MYORG: variants seen among roughly 807,000 people sequenced by gnomAD.
The protein encoded by MYORG is myogenesis regulating glycosidase.
Under a neutral mutation model 49.8 loss-of-function variants are expected in MYORG, and 45 were observed. That is an observed-to-expected ratio of 0.90 (90% CI 0.71 to 1.16). The LOEUF (loss-of-function observed/expected upper bound fraction) is 1.16. Among genes scored for constraint, MYORG ranks in the 50% most tolerant of loss-of-function variants. The pLI is 0.00. For missense variants in MYORG, 1,110 were observed against 1,026.5 expected (o/e 1.08, Z -1.11); for synonymous variants, 552 against 462.9 (o/e 1.19, Z -2.47).
Position 34,372,903 on chromosome 9 carries a change from CG to C in MYORG, c.40del (p.Arg14AlafsTer41). 1.2e-6 allele frequency: 2 copies of C among 1,613,770 alleles called. No individual in the cohort carries two copies. Among genetic ancestry groups the C allele is most frequent in the Non-Finnish European group, 1.7e-6 (2 of 1,179,866 alleles). ...TGCGTAGCAGCCAGGCCGGCGGCGG[CG>C]GGGGTAGGCCTGGCTCTTCTCCTGA... ...NPQEKSQAYP[R>X]RRRPGCYAYR... On this transcript the variant is annotated frameshift_variant, in exon 2 of 2. Coordinates refer to ENST00000297625, the MANE Select transcript of MYORG (RefSeq NM_020702.5). LOFTEE classifies it high-confidence loss of function.
At position 34,371,854 on chromosome 9, in the gene MYORG, CGAA is replaced by C; in HGVS notation, c.1087_1089del (p.Phe363del). 1 of 1,614,052 alleles carries C rather than the reference CGAA, an allele frequency of 6.2e-7. No homozygotes were observed. The highest frequency in any genetic ancestry group is 8.5e-7 in the Non-Finnish European group (1 of 1,179,896). ...TTGGGGAATTTGACCTCATCGAAGTCGAAGTCGCCATAAGCAGGTGTGTACATG... is the reference window on the plus strand; with the variant it reads ...TTGGGGAATTTGACCTCATCGAAGTCGTCGCCATAAGCAGGTGTGTACATG... On this transcript the variant is annotated inframe_deletion, in exon 2 of 2. Transcript: ENST00000297625.
chr9:34,371,734 C>G lies in MYORG; in HGVS notation c.1210G>C (p.Glu404Gln), dbSNP rs1030252182. 1 of 1,612,354 alleles carries G rather than the reference C, an allele frequency of 6.2e-7. No homozygotes were observed. The highest frequency in any genetic ancestry group is 8.5e-7 in the Non-Finnish European group (1 of 1,179,304). Reference protein sequence around the residue: ...FVNYNSSRFGEGVERELFVRE... With the variant: ...FVNYNSSRFGQGVERELFVRE... Reference sequence around the variant, plus strand: ...ACGAACAGCTCGCGCTCCACGCCCTCGCCGAAGCGCGACGAGTTGTAGTTG... The same window carrying G: ...ACGAACAGCTCGCGCTCCACGCCCTGGCCGAAGCGCGACGAGTTGTAGTTG... Residue 404 changes from glutamate to glutamine, a missense_variant, in exon 2 of 2, where the codon GAG (glutamate) becomes CAG (glutamine). Physicochemically the swap from Glu to Gln is conservative, Grantham distance 29. Transcript: ENST00000297625.
At position 34,371,919 on chromosome 9, in the gene MYORG, A is replaced by C. The variant is rs1820611690; in HGVS notation, c.1025T>G (p.Leu342Arg). ...KVLRFAQQIR[L>R]HHFNSSHLEI... ...CAGGTGGCTGCTGTTGAAGTGGTGC[A>C]GGCGGATCTGTTGGGCAAAACGCAG... The change falls in exon 2 of 2, where the codon CTG becomes CGG. Residue 342 changes from leucine (L) to arginine (R), a missense_variant. Coordinates refer to ENST00000297625, the MANE Select transcript of MYORG (RefSeq NM_020702.5). 1 of 1,614,054 alleles carries C rather than the reference A, an allele frequency of 6.2e-7. No individual in the cohort carries two copies. The highest frequency in any genetic ancestry group is 2.2e-5 in the East Asian group (1 of 44,882).
In MYORG at chr9:34,369,887, G is replaced by C. The variant is rs1820559970; in HGVS notation, c.*912C>G. 6.6e-6 allele frequency: 1 copy of C among 152,228 alleles called. No homozygotes were observed. Among genetic ancestry groups the C allele is most frequent in the African/African-American group, 2.4e-5 (1 of 41,446 alleles). The allele number at this position is 152,228 out of a possible 1,614,324, so 9.4% of individuals were successfully genotyped here. On this transcript the variant is annotated 3_prime_UTR_variant, in exon 2 of 2. Coordinates refer to ENST00000297625, the MANE Select transcript of MYORG (RefSeq NM_020702.5). The stretch of plus-strand genomic sequence containing the variant: ...CGAGAGTCCTGGGGAAACCGCCTGG[G>C]AGGAGGCTGGCTCAGCAATCAGAGC...
chr9:34,372,752 C>A lies in MYORG; in HGVS notation c.192G>T (p.Gly64=). The A allele has an allele frequency of 6.2e-7, 1 of 1,613,786 alleles. No individual in the cohort carries two copies. The highest frequency in any genetic ancestry group is 1.1e-5 in the South Asian group (1 of 91,078). Residue 64 remains glycine (G), a synonymous_variant, in exon 2 of 2, where the codon GGG becomes GGT. Transcript: ENST00000297625. The part of the protein sequence containing the change: ...LKPLLGSAVL[G]LLLVLAAVVA... ...CCACCGCGGCCAGCACAAGCAGCAG[C>A]CCCAGAACCGCGGAGCCCAGCAGCG...
intron 1 of MYORG, among the ~76,000 whole-genome samples, chr9:34,373,665 C>T (rs894339452): frequency 6.6e-6 from 1 of 152,198 alleles, no homozygotes; most frequent in Non-Finnish European, 1.5e-5. Context: ...GTTGGTCAGG[C>T]TGGCTTCGAA....
rs767060731 is a variant in MYORG, at chr9:34,372,526, C to A, written c.418G>T (p.Gly140Trp). The A allele has an allele frequency of 3.1e-6, 5 of 1,600,664 alleles. No individual in the cohort carries two copies. The highest frequency in any genetic ancestry group is 3.4e-6 in the Non-Finnish European group (4 of 1,174,594). ...TGGATGAAGAAGTGCAGCGGCAGCC[C>A]GTCGGCCGTGAGCGAGCAGCCCAGC... is the stretch of plus-strand genomic sequence containing the variant. ...ALLGCSLTAD[G>W]LPLHFFIQTV... The change falls in exon 2 of 2, where the codon GGG becomes TGG. Residue 140 changes from glycine (G) to tryptophan (W), a missense_variant. Coordinates refer to ENST00000297625, the MANE Select transcript of MYORG (RefSeq NM_020702.5).
rs1820592270 is a variant in MYORG at position 34,371,345 on chromosome 9, T to C, written c.1599A>G (p.Ser533=). 2.5e-6 allele frequency: 4 copies of C among 1,612,576 alleles called. No homozygotes were observed. Among genetic ancestry groups the C allele is most frequent in the Non-Finnish European group, 3.4e-6 (4 of 1,179,600 alleles). The change falls in exon 2 of 2, where the codon TCA becomes TCG. Residue 533 remains serine (S), a synonymous_variant. Transcript: ENST00000297625. ...SVWGYDLGLR[S]LIPAVLTVSM... Reference sequence around the variant, plus strand: ...TGACGGTGAGCACCGCGGGGATGAGTGAGCGCAACCCCAGGTCGTAGCCCC... The same window carrying C: ...TGACGGTGAGCACCGCGGGGATGAGCGAGCGCAACCCCAGGTCGTAGCCCC...
Position 34,371,634 on chromosome 9 carries a change from T to C in MYORG, c.1310A>G (p.His437Arg). 6.2e-7 allele frequency: 1 copy of C among 1,606,052 alleles called. No homozygotes were observed. The highest frequency in any genetic ancestry group is 1.1e-5 in the South Asian group (1 of 90,426). The change falls in exon 2 of 2, where the codon CAC (histidine) becomes CGC (arginine). Residue 437 changes from histidine (H) to arginine (R), a missense_variant. Coordinates refer to ENST00000297625, the MANE Select transcript of MYORG (RefSeq NM_020702.5). ...CTGGAACCAGTCGCGGGCCTTTGGG[T>C]GCGTGAAGTCTAGCACCGCGCCGAT... ...NGIGAVLDFT[H>R]PKARDWFQGH... is the part of the protein sequence containing the mutation.
At position 34,372,545 on chromosome 9, in the gene MYORG, G is replaced by A. The variant is rs758842962; in HGVS notation, c.399C>T (p.Gly133=). 8.4e-5 allele frequency: 134 copies of A among 1,602,132 alleles called. No homozygotes were observed. The highest frequency in any genetic ancestry group is 1.1e-4 in the Non-Finnish European group (124 of 1,175,268). The change falls in exon 2 of 2, where the codon GGC becomes GGT. Residue 133 remains glycine (G), a synonymous_variant. Coordinates refer to ENST00000297625, the MANE Select transcript of MYORG (RefSeq NM_020702.5). ...GCAGCCCGTCGGCCGTGAGCGAGCA[G>A]CCCAGCAGGGCGCCATCGCGGCTGC... ...DSCSRDGALL[G]CSLTADGLPL...
rs1233659553 is a variant in MYORG at position 34,370,876 on chromosome 9, A to G, written c.2068T>C (p.Phe690Leu). Residue 690 changes from phenylalanine (F) to leucine (L), a missense_variant, in exon 2 of 2, where the codon TTC becomes CTC. Transcript: ENST00000297625. Reference sequence around the variant, plus strand: ...GTGAGCAGCACCGGCGTCTTGTCGAAAAGCTCACCCTTGTAGCTGCGCCAC... The same window carrying G: ...GTGAGCAGCACCGGCGTCTTGTCGAGAAGCTCACCCTTGTAGCTGCGCCAC... ...GKWRSYKGELFDKTPVLLTDY... is the reference protein window; with the variant it reads ...GKWRSYKGELLDKTPVLLTDY... The G allele has an allele frequency of 1.2e-6, 2 of 1,609,304 alleles. No homozygotes were observed. The highest frequency in any genetic ancestry group is 1.7e-6 in the Non-Finnish European group (2 of 1,176,052).
chr9:34,370,888 T>G lies in MYORG; in HGVS notation c.2056A>C (p.Lys686Gln), dbSNP rs1820579266. ...GGCGTCTTGTCGAAAAGCTCACCCT[T>G]GTAGCTGCGCCACTTGCCGGCGGGC... ...YLPAGKWRSY[K>Q]GELFDKTPVL... Residue 686 changes from lysine to glutamine, a missense_variant, in exon 2 of 2, where the codon AAG becomes CAG. Lys to Gln is a moderately conservative substitution (Grantham distance 53). Coordinates refer to ENST00000297625, the MANE Select transcript of MYORG (RefSeq NM_020702.5). 3.1e-6 allele frequency: 5 copies of G among 1,613,242 alleles called. No homozygotes were observed. The highest frequency in any genetic ancestry group is 4.2e-6 in the Non-Finnish European group (5 of 1,179,384).
rs551224406 is a variant in MYORG at position 34,376,404 on chromosome 9, G to A, written c.-64+389C>T. ...GGCTGCCACAGCTAGTCTGGTCTGA[G>A]GGGGAGGGCCCCGCCCGACTCAACT... On this transcript the variant is annotated intron_variant, in intron 1 of 1. Coordinates refer to ENST00000297625, the MANE Select transcript of MYORG (RefSeq NM_020702.5). The surrounding 1 kb of genome is among the most constrained non-coding windows in gnomAD (Gnocchi z 4.4). 5.3e-5 allele frequency among the ~76,000 whole-genome samples: 8 copies of A among 152,342 alleles called. No individual in the cohort carries two copies. The highest frequency in any genetic ancestry group is 1.9e-4 in the African/African-American group (8 of 41,582).
Position 34,370,465 on chromosome 9 carries a change from C to CAACCATGTAT in MYORG, c.*324_*333dup, listed in dbSNP as rs1478934614. 2 of 234,298 alleles carry CAACCATGTAT rather than the reference C, an allele frequency of 8.5e-6. No individual in the cohort carries two copies. The highest frequency in any genetic ancestry group is 1.0e-4 in the Admixed American group (2 of 19,794). 14.5% of individuals were successfully genotyped at this position (234,298 alleles called of 1,614,324 possible). ...GGTTTCTCTTTGTGCTTTTAAACCC[C>CAACCATGTAT]AACCATGTATAACCATGTATAACAG... On this transcript the variant is annotated 3_prime_UTR_variant, in exon 2 of 2. Transcript: ENST00000297625.
At position 34,372,707 on chromosome 9, in the gene MYORG, G is replaced by A. The variant is rs768884848; in HGVS notation, c.237C>T (p.Ser79=). Residue 79 remains serine, a synonymous_variant, in exon 2 of 2, where the codon AGC becomes AGT. Coordinates refer to ENST00000297625, the MANE Select transcript of MYORG (RefSeq NM_020702.5). ...GTCGCTCCGCCTTGCGTAGGGAGAC[G>A]CTGTAGTAGCACCAGGCCACCACCG... is the stretch of plus-strand genomic sequence containing the variant. ...LAAVVAWCYY[S]VSLRKAERLR... 1.2e-6 allele frequency: 2 copies of A among 1,612,506 alleles called. No homozygotes were observed. The highest frequency in any genetic ancestry group is 2.2e-5 in the East Asian group (1 of 44,844).
At position 34,371,549 on chromosome 9, in the gene MYORG, G is replaced by T; in HGVS notation, c.1395C>A (p.Gly465=). The T allele has an allele frequency of 6.2e-7, 1 of 1,605,058 alleles. No individual in the cohort carries two copies. The highest frequency in any genetic ancestry group is 8.5e-7 in the Non-Finnish European group (1 of 1,179,082). The part of the protein sequence containing the change: ...YSVASFKFDA[G]EVSYLPRDFS... ...AGTCCCGCGGCAGGTAGCTGACCTC[G>T]CCCGCGTCGAACTTGAAGGAAGCCA... The change falls in exon 2 of 2, where the codon GGC becomes GGA. Residue 465 remains glycine, a synonymous_variant. Transcript: ENST00000297625.
chr9:34,368,871 A>T lies in MYORG; in HGVS notation c.*1928T>A, dbSNP rs1374157754. 1 of 152,212 alleles carries T rather than the reference A, an allele frequency of 6.6e-6. No individual in the cohort carries two copies. The highest frequency in any genetic ancestry group is 2.1e-4 in the South Asian group (1 of 4,824). 9.4% of individuals were successfully genotyped at this position (152,212 alleles called of 1,614,324 possible). ...TGGTACCAATTTACTGTATAGGTTC[A>T]TTTTCACAGTGCTGATAAAGACATA... On this transcript the variant is annotated 3_prime_UTR_variant, in exon 2 of 2. Coordinates refer to ENST00000297625, the MANE Select transcript of MYORG (RefSeq NM_020702.5).
Position 34,372,498 on chromosome 9 carries a change from G to A in MYORG, c.446C>T (p.Thr149Ile), listed in dbSNP as rs1440395452. 1.9e-6 allele frequency: 3 copies of A among 1,601,000 alleles called. No individual in the cohort carries two copies. The highest frequency in any genetic ancestry group is 1.3e-5 in the African/African-American group (1 of 74,822). The change falls in exon 2 of 2, where the codon ACT (threonine) becomes ATT (isoleucine). Residue 149 changes from threonine to isoleucine, a missense_variant. Physicochemically the swap from Thr to Ile is moderately conservative, Grantham distance 89 (BLOSUM62 -1). Transcript: ENST00000297625. ...DGLPLHFFIQ[T>I]VRPKDTVMCY... ...CATGACCGTGTCCTTGGGCCGCACA[G>A]TCTGGATGAAGAAGTGCAGCGGCAG...
At chr9:34,373,045 T>G in intron 1 of MYORG, 39 bp from the exon 2 acceptor site, 1 of 1,353,344 alleles carries the variant, frequency 7.4e-7, no homozygotes, top group African/African-American at 1.5e-5. Flanking sequence ...AGCTATCTCA[T>G]CCCATGATAT....
Sources: allele counts gnomAD v4.1 joint callset (sites outside exome capture counted in the v4.1 genomes callset), GRCh38; gene constraint gnomAD v4.1.1; non-coding constraint Gnocchi (gnomAD v3.1); transcripts MANE v1.5; gene names NCBI Gene and HGNC (gene_info 2026-07-23, HGNC 2026-07-21).